The following MPPE1 variants were observed in gnomAD, a reference collection of about 807,000 sequenced individuals.
MPPE1 encodes the protein metallo phosphoesterase.
Under a neutral mutation model 43.8 loss-of-function variants are expected in MPPE1, and 28 were observed. The ratio of observed to expected loss-of-function variants is 0.64; its 90% CI spans 0.47 to 0.88. MPPE1 has a LOEUF of 0.88. Ranked by LOEUF, MPPE1 falls within the 40% of genes least tolerant of loss-of-function variation. MPPE1 has a pLI of 0.00. For synonymous variants in MPPE1, 159 were observed against 188.5 expected (o/e 0.84, Z 1.28); for missense variants, 428 against 492.2 (o/e 0.87, Z 1.23).
At chr18:11,897,511 A>T in intron 2 of MPPE1, 155 bp from the exon 3 acceptor site, 1 of 454,056 alleles carries the variant, frequency 2.2e-6, no homozygotes, top group Non-Finnish European at 3.9e-6. Flanking sequence ...ATTACTAATA[A>T]GGAAAACAAC....
chr18:11,898,042 T>G (rs2038771651), intron 2 of MPPE1, among the ~76,000 whole-genome samples: 1 of 150,226 alleles, frequency 6.7e-6, no homozygotes, highest in Non-Finnish European at 1.5e-5. Context: ...GAAATTTGGT[T>G]TATAGGTTTT....
intron 2 of MPPE1, among the ~76,000 whole-genome samples, chr18:11,904,916 C>G (rs901408457): frequency 6.6e-6 from 1 of 151,770 alleles, no homozygotes; most frequent in Non-Finnish European, 1.5e-5. Flanking sequence ...GCACTCCAGC[C>G]TAGGCGACAG....
In MPPE1 at chr18:11,885,834, G is replaced by C. The variant is rs2037145954; in HGVS notation, c.868-18C>G. The C allele has an allele frequency of 4.4e-6, 7 of 1,595,954 alleles. No individual in the cohort carries two copies. Among genetic ancestry groups the C allele is most frequent in the Non-Finnish European group, 6.0e-6 (7 of 1,166,992 alleles). On this transcript the variant is annotated intron_variant, in intron 9 of 10. Coordinates refer to ENST00000588072, the MANE Select transcript of MPPE1 (RefSeq NM_023075.6). ...CACAGCAGCTGACAGTGGCCGAGAA[G>C]ACAGCAAAGCAGGCTGTTAGCTCAT...
At chr18:11,902,153 C>G (rs1289366906) in intron 2 of MPPE1, 1 of 151,990 alleles carries the variant, frequency 6.6e-6, no homozygotes, top group South Asian at 2.1e-4. Context: ...TAAAACAGGG[C>G]AATGGTGTAA....
chr18:11,887,672 A>G (rs969993016), intron 6 of MPPE1, among the ~76,000 whole-genome samples: 2 of 152,218 alleles, frequency 1.3e-5, no homozygotes, highest in Non-Finnish European at 2.9e-5. Context: ...TATCTCCTAC[A>G]TGCATACCAT....
chr18:11,903,393 C>T (rs2039383981), intron 2 of MPPE1, among the ~76,000 whole-genome samples: 1 of 152,128 alleles, frequency 6.6e-6, no homozygotes, highest in Non-Finnish European at 1.5e-5. Flanking sequence ...TGCTCACCTC[C>T]CAAGCTTAAG....
chr18:11,907,895 C>T (rs1236925585), intron 1 of MPPE1: 1 of 152,078 alleles, frequency 6.6e-6, no homozygotes, highest in Non-Finnish European at 1.5e-5. Context: ...TATGCACTGA[C>T]CTGTAGTTTT....
intron 2 of MPPE1, among the ~76,000 whole-genome samples, chr18:11,897,866 C>A (rs185985161): frequency 1.1e-3 from 171 of 152,232 alleles, no homozygotes; most frequent in Non-Finnish European, 1.9e-3. Flanking sequence ...CTTCAAAGAT[C>A]CAAGGAATTC....
Position 11,886,428 on chromosome 18 carries a change from C to CT in MPPE1, c.867+70dup. 1 of 1,608,674 alleles carries CT rather than the reference C, an allele frequency of 6.2e-7. No individual in the cohort carries two copies. The highest frequency in any genetic ancestry group is 8.5e-7 in the Non-Finnish European group (1 of 1,176,404). Reference sequence around the variant, plus strand: ...AAACACCTGCTCTAGCCTGGGCACTCTGCTTGTTGACATGCAAGGTGATGA... The same window carrying CT: ...AAACACCTGCTCTAGCCTGGGCACTCTTGCTTGTTGACATGCAAGGTGATGA... On this transcript the variant is annotated intron_variant, in intron 9 of 10. Coordinates refer to ENST00000588072, the MANE Select transcript of MPPE1 (RefSeq NM_023075.6). The surrounding 1 kb of genome is among the most constrained non-coding windows in gnomAD (Gnocchi z 4.1).
At position 11,884,609 on chromosome 18, in the gene MPPE1, CTG is replaced by C; in HGVS notation, c.1025_1026del (p.Thr342ArgfsTer12). 6.2e-7 allele frequency: 1 copy of C among 1,613,542 alleles called. No homozygotes were observed. The highest frequency in any genetic ancestry group is 1.3e-5 in the African/African-American group (1 of 74,966). ...PSFIMGSITP[T>X]DYTLSKCYLP... Reference sequence around the variant, plus strand: ...AGGTAGCACTTGGAGAGGGTGTAGTCTGTGGGCGTGATGCTACCCTGGAAAGG... The same window carrying C: ...AGGTAGCACTTGGAGAGGGTGTAGTCTGGGCGTGATGCTACCCTGGAAAGG... On this transcript the variant is annotated frameshift_variant, in exon 11 of 11. Transcript: ENST00000588072. LOFTEE classifies it low-confidence loss of function (END_TRUNC).
intron 2 of MPPE1, among the ~76,000 whole-genome samples, chr18:11,904,290 T>C (rs2143335958): frequency 1.3e-5 from 2 of 152,172 alleles, no homozygotes; most frequent in South Asian, 4.1e-4. Context: ...AGCAGCTATC[T>C]GGTATAACAT....
chr18:11,902,244 A>G lies in MPPE1; in HGVS notation c.-93+3959T>C, dbSNP rs2039286515. 4 of 74,860 alleles carry G rather than the reference A, an allele frequency of 5.3e-5. No homozygotes were observed. In the South Asian group the frequency reaches 2.1e-3, roughly 39 times the overall value. 4.6% of individuals were successfully genotyped at this position (74,860 alleles called of 1,614,324 possible). On this transcript the variant is annotated intron_variant, in intron 2 of 10. Coordinates refer to ENST00000588072, the MANE Select transcript of MPPE1 (RefSeq NM_023075.6). ...TACTCTGACATAGAGGAGAAGCAGC[A>G]GTGCCTGTTTGCAGTCACCCACCTC...
intron 3 of MPPE1, among the ~76,000 whole-genome samples, chr18:11,896,629 G>A (rs995900629): frequency 2.0e-5 from 3 of 152,160 alleles, no homozygotes; most frequent in African/African-American, 7.2e-5. Context: ...CCTGCCCAGG[G>A]GACCAGTCCC....
At chr18:11,900,004 G>A (rs1374656831) in intron 2 of MPPE1, among the ~76,000 whole-genome samples, 3 of 152,122 alleles carry the variant, frequency 2.0e-5, no homozygotes, top group African/African-American at 7.2e-5. Context: ...CTGACATCAG[G>A]AGTTCGAGAC....
intron 9 of MPPE1, 54 bp from the exon 10 acceptor site, chr18:11,885,870 G>A (rs1210192116): frequency 7.2e-6 from 11 of 1,519,534 alleles, no homozygotes; most frequent in Non-Finnish European, 9.8e-6. Flanking sequence ...CCTCAACCAG[G>A]CTCTCACCGC....
At position 11,897,410 on chromosome 18, in the gene MPPE1, G is replaced by A. The variant is rs374632531; in HGVS notation, c.-92-54C>T. 4 of 696,136 alleles carry A rather than the reference G, an allele frequency of 5.7e-6. No individual in the cohort carries two copies. In the East Asian group the frequency reaches 1.0e-4, roughly 18 times the overall value. The allele number at this position is 696,136 out of a possible 1,614,324, so 43.1% of individuals were successfully genotyped here. A position where few individuals can be genotyped will look rare whatever the true frequency, so the allele number is the denominator to read the frequency against. On this transcript the variant is annotated intron_variant, in intron 2 of 10. Transcript: ENST00000588072. ...TGTTCCCTAATAATACAGGTATCAC[G>A]ACCTCCCTCTATTAAGAACTAATGA...
intron 4 of MPPE1, among the ~76,000 whole-genome samples, chr18:11,892,355 G>GAAA (rs548540889): frequency 1.1e-5 from 1 of 93,418 alleles, no homozygotes; most frequent in Non-Finnish European, 2.4e-5. Context: ...GCACCAAAAA[G>GAAA]AAAAAAAAAA....
intron 2 of MPPE1, chr18:11,905,919 G>A (rs1350120869): frequency 6.6e-6 from 1 of 152,224 alleles, no homozygotes; most frequent in Non-Finnish European, 1.5e-5. Context: ...TACCCCTCCT[G>A]AACCTCACAA....
chr18:11,885,852 T>C, intron 9 of MPPE1, 36 bp from the exon 10 acceptor site: 1 of 1,571,250 alleles, frequency 6.4e-7, no homozygotes, highest in Non-Finnish European at 8.7e-7. Flanking sequence ...AGCAGGCTGT[T>C]AGCTCATCCT....
Sources: allele counts gnomAD v4.1 joint callset (sites outside exome capture counted in the v4.1 genomes callset), GRCh38; gene constraint gnomAD v4.1.1; non-coding constraint Gnocchi (gnomAD v3.1); transcripts MANE v1.5; gene names NCBI Gene and HGNC (gene_info 2026-07-23, HGNC 2026-07-21).